SLC4A4: variants seen among roughly 807,000 people sequenced by gnomAD.
SLC4A4 encodes the protein solute carrier family 4 member 4.
A neutral mutation model predicts 111.5 loss-of-function variants in SLC4A4; 27 were observed. The observed-to-expected ratio is 0.24, with a 90% CI of 0.18 to 0.33. SLC4A4 has a LOEUF of 0.33. SLC4A4 is among the 10% of genes least tolerant of loss of function. The pLI, the probability that SLC4A4 is intolerant of heterozygous loss-of-function variation, is 1.00. For missense variants in SLC4A4, 909 were observed against 1,315.5 expected (o/e 0.69, Z 4.78); for synonymous variants, 443 against 463.4 (o/e 0.96, Z 0.57).
At chr4:71,268,882 A>G (rs377594394) in intron 3 of SLC4A4, among the ~76,000 whole-genome samples, 3 of 152,218 alleles carry the variant, frequency 2.0e-5, no homozygotes, top group East Asian at 3.8e-4. Context: ...ATGTTGCAAA[A>G]TGTTTTATTT....
intron 16 of SLC4A4, among the ~76,000 whole-genome samples, chr4:71,504,758 G>T (rs1346708909): frequency 3.3e-5 from 5 of 151,380 alleles, no homozygotes; most frequent in Non-Finnish European, 7.4e-5. Context: ...ACATATACAG[G>T]ATGTGCAGGT....
intron 24 of SLC4A4, among the ~76,000 whole-genome samples, chr4:71,565,240 G>A (rs564931694): frequency 6.6e-6 from 1 of 151,966 alleles, no homozygotes; most frequent in South Asian, 2.1e-4. Flanking sequence ...TGTCATAGCC[G>A]AAGTGTGAAT....
chr4:71,203,934 T>C (rs1746367208), intron 1 of SLC4A4, among the ~76,000 whole-genome samples: 1 of 152,166 alleles, frequency 6.6e-6, no homozygotes, highest in South Asian at 2.1e-4. Context: ...TATTATGTAA[T>C]TTAAGTAAAA....
chr4:71,126,251 T>C (rs1227769430), intron 2 of SLC4A4, among the ~76,000 whole-genome samples: 1 of 152,214 alleles, frequency 6.6e-6, no homozygotes, highest in African/African-American at 2.4e-5. Flanking sequence ...CTCTTTGAAC[T>C]AATAAATACT....
intron 2 of SLC4A4, among the ~76,000 whole-genome samples, chr4:71,163,250 A>C (rs1744656093): frequency 6.6e-6 from 1 of 152,174 alleles, no homozygotes; most frequent in African/African-American, 2.4e-5. Flanking sequence ...GTCTACTTTA[A>C]GTGAAATGGG....
At chr4:71,439,071 T>G (rs1276761186) in intron 7 of SLC4A4, among the ~76,000 whole-genome samples, 1 of 152,046 alleles carries the variant, frequency 6.6e-6, no homozygotes, top group African/African-American at 2.4e-5. Context: ...TCTCAGCTTT[T>G]TTTGATAGCA....
chr4:71,122,755 C>T (rs111924241), intron 2 of SLC4A4, among the ~76,000 whole-genome samples: 125 of 152,268 alleles, frequency 8.2e-4, no homozygotes, highest in African/African-American at 2.8e-3. Flanking sequence ...CATCCCCCCT[C>T]GGCATCTCCT....
intron 1 of SLC4A4, among the ~76,000 whole-genome samples, chr4:71,188,678 A>G (rs1394996904): frequency 6.6e-6 from 1 of 151,880 alleles, no homozygotes; most frequent in African/African-American, 2.4e-5. Flanking sequence ...ATTTCAGTAG[A>G]TTCGTCAATG....
intron 2 of SLC4A4, among the ~76,000 whole-genome samples, chr4:71,248,829 C>T (rs1720862625): frequency 6.6e-6 from 1 of 152,156 alleles, no homozygotes; most frequent in Non-Finnish European, 1.5e-5. Context: ...TTAGGCGCCT[C>T]ACCTTCATCT....
At chr4:71,346,056 A>G (rs1459176115) in intron 4 of SLC4A4, among the ~76,000 whole-genome samples, 2 of 152,084 alleles carry the variant, frequency 1.3e-5, no homozygotes, top group Admixed American at 6.6e-5. Context: ...CCACTGTACA[A>G]CTGATATGTT....
At chr4:71,123,752 C>T (rs989546979) in intron 2 of SLC4A4, among the ~76,000 whole-genome samples, 2 of 152,050 alleles carry the variant, frequency 1.3e-5, no homozygotes, top group Non-Finnish European at 2.9e-5. Context: ...TCTAGTGCAC[C>T]GTTTGAGGAC....
At chr4:71,417,519 G>A (rs899164810) in intron 7 of SLC4A4, among the ~76,000 whole-genome samples, 3 of 152,090 alleles carry the variant, frequency 2.0e-5, no homozygotes, top group African/African-American at 4.8e-5. Flanking sequence ...CAGTGAAAGA[G>A]GAAAATAACT....
intron 6 of SLC4A4, among the ~76,000 whole-genome samples, chr4:71,372,682 C>A (rs1463726407): frequency 6.6e-6 from 1 of 152,188 alleles, no homozygotes; most frequent in Non-Finnish European, 1.5e-5. Context: ...TATGCACATT[C>A]CTGGCATCTG....
chr4:71,137,178 C>T (rs186866058), intron 2 of SLC4A4, among the ~76,000 whole-genome samples: 6 of 152,234 alleles, frequency 3.9e-5, no homozygotes, highest in Non-Finnish European at 7.4e-5. Flanking sequence ...AGCTCCAAGC[C>T]GAGAGACATC....
chr4:71,451,433 T>G, intron 11 of SLC4A4, 132 bp downstream of exon 11: 1 of 720,286 alleles, frequency 1.4e-6, no homozygotes, highest in South Asian at 1.5e-5. Context: ...TACCTATTTG[T>G]CACAGGCACT....
intron 4 of SLC4A4, among the ~76,000 whole-genome samples, chr4:71,348,002 TAG>T (rs1729482219): frequency 1.3e-5 from 2 of 152,176 alleles, no homozygotes; most frequent in African/African-American, 4.8e-5. Flanking sequence ...TTCCTTTTTC[TAG>T]AGTCTTATCT....
At chr4:71,442,682 T>A (rs1724839712) in intron 8 of SLC4A4, among the ~76,000 whole-genome samples, 1 of 152,104 alleles carries the variant, frequency 6.6e-6, no homozygotes, top group Non-Finnish European at 1.5e-5. Flanking sequence ...ACCTGAAAAA[T>A]CTGTGTTTGT....
At chr4:71,327,967 C>T (rs938615363) in intron 3 of SLC4A4, among the ~76,000 whole-genome samples, 1 of 151,964 alleles carries the variant, frequency 6.6e-6, no homozygotes, top group Admixed American at 6.6e-5. Flanking sequence ...CCATCCCCCA[C>T]CCCACCTGCT....
intron 2 of SLC4A4, among the ~76,000 whole-genome samples, chr4:71,156,559 AGTGTG>A (rs1560749311): frequency 3.6e-5 from 1 of 27,416 alleles, no homozygotes; most frequent in Non-Finnish European, 4.8e-4. Flanking sequence ...TGTCCAAATA[AGTGTG>A]TGCGCGCATG....
Sources: gnomAD v4.1 joint callset for allele counts (sites outside exome capture counted in the v4.1 genomes callset) on GRCh38, gnomAD v4.1.1 for gene constraint, MANE v1.5 for transcripts, NCBI Gene and HGNC (gene_info 2026-07-23, HGNC 2026-07-21) for gene names.